CDKL4: variants seen among roughly 807,000 people sequenced by gnomAD.
CDKL4 encodes the protein cyclin-dependent kinase-like 4.
Under a neutral mutation model 42.0 loss-of-function variants are expected in CDKL4, and 44 were observed. The ratio of observed to expected loss-of-function variants is 1.05; its 90% CI spans 0.82 to 1.35. CDKL4 has a LOEUF of 1.35. Among genes scored for constraint, CDKL4 ranks in the 40% most tolerant of loss-of-function variants. The pLI, the probability that CDKL4 is intolerant of heterozygous loss-of-function variation, is 0.00. For synonymous variants in CDKL4, 120 were observed against 121.6 expected (o/e 0.99, Z 0.09); for missense variants, 393 against 369.9 (o/e 1.06, Z -0.51).
chr2:39,168,126 A>T, the CDKL4 span, among the ~76,000 whole-genome samples: 1 of 152,254 alleles, frequency 6.6e-6, no homozygotes, highest in East Asian at 1.9e-4. Context: ...ATGTATATTT[A>T]ACATAATAAA....
At chr2:39,184,771 A>G (rs1675626650) in intron 7 of CDKL4, 124 bp from the exon 8 acceptor site, 1 of 637,618 alleles carries the variant, frequency 1.6e-6, no homozygotes. Context: ...GTCTCCCTCT[A>G]TCTCCCAGGC....
chr2:39,187,196 C>A (rs1260903025), intron 7 of CDKL4, among the ~76,000 whole-genome samples: 1 of 152,120 alleles, frequency 6.6e-6, no homozygotes, highest in Non-Finnish European at 1.5e-5. Context: ...GAAGAAGGTG[C>A]CTGCTTCCCC....
intron 5 of CDKL4, among the ~76,000 whole-genome samples, chr2:39,192,615 A>G (rs1377140620): frequency 6.6e-6 from 1 of 151,238 alleles, no homozygotes; most frequent in East Asian, 1.9e-4. Flanking sequence ...CATACTACAT[A>G]CACAATTCTG....
At chr2:39,176,286 C>T (rs1675163257) in intron 9 of CDKL4, among the ~76,000 whole-genome samples, 190 bp from the exon 10 acceptor site, 1 of 152,132 alleles carries the variant, frequency 6.6e-6, no homozygotes. Context: ...TTAGGTTCTA[C>T]TACTTATTCT....
intron 3 of CDKL4, among the ~76,000 whole-genome samples, chr2:39,214,444 A>G (rs977424633): frequency 3.9e-5 from 6 of 152,206 alleles, no homozygotes; most frequent in Non-Finnish European, 7.3e-5. Flanking sequence ...CATTATATGG[A>G]TATATCATAA....
intron 5 of CDKL4, among the ~76,000 whole-genome samples, chr2:39,193,849 C>T (rs186879393): frequency 5.4e-4 from 82 of 152,278 alleles, no homozygotes; most frequent in Non-Finnish European, 9.6e-4. Flanking sequence ...TTTCACTTAG[C>T]CCCATGTTGT....
chr2:39,246,981 G>A (rs1679939644), upstream of CDKL4, among the ~76,000 whole-genome samples: 1 of 152,182 alleles, frequency 6.6e-6, no homozygotes, highest in South Asian at 2.1e-4. Context: ...CTAGGCTCAA[G>A]TGATTCTCCC....
rs886451142 is a variant in CDKL4, at chr2:39,235,888, G to GA, written c.-56-6301dup. Reference sequence around the variant, plus strand: ...GGAGGAAGTAGGAAAGAAGAAGAAAGAAAAAAAAATATGAGACATGCTAAA... The same window carrying GA: ...GGAGGAAGTAGGAAAGAAGAAGAAAGAAAAAAAAAATATGAGACATGCTAAA... On this transcript the variant is annotated intron_variant, in intron 1 of 9. Coordinates refer to ENST00000451199, the Ensembl canonical transcript of CDKL4. Among the ~76,000 whole-genome samples, 635 of 143,834 alleles carry GA rather than the reference G, an allele frequency of 4.4e-3. 5 individuals are homozygous for GA. Among genetic ancestry groups the GA allele is most frequent in the African/African-American group, 0.015 (584 of 39,136 alleles). The allele number at this position is 143,834 out of a possible 152,430, so 94.4% of individuals were successfully genotyped here.
intron 8 of CDKL4, among the ~76,000 whole-genome samples, chr2:39,180,105 C>A (rs1675351775): frequency 6.6e-6 from 1 of 152,152 alleles, no homozygotes; most frequent in Non-Finnish European, 1.5e-5. Context: ...GATTATGATC[C>A]ATAAAGAGCA....
chr2:39,197,520 C>T (rs556211713), intron 5 of CDKL4, among the ~76,000 whole-genome samples: 6 of 152,240 alleles, frequency 3.9e-5, no homozygotes, highest in South Asian at 2.1e-4. Flanking sequence ...AAAAGATCAT[C>T]GCCTAGGCAC....
chr2:39,195,913 C>T (rs1025831361), intron 5 of CDKL4, among the ~76,000 whole-genome samples: 6 of 152,192 alleles, frequency 3.9e-5, no homozygotes, highest in African/African-American at 9.7e-5. Context: ...GACAGAGCAG[C>T]GTGTGGAGAC....
intron 3 of CDKL4, among the ~76,000 whole-genome samples, chr2:39,220,913 T>C (rs1678278845): frequency 7.2e-6 from 1 of 139,426 alleles, no homozygotes; most frequent in African/African-American, 2.6e-5. Context: ...TGTAATTTAG[T>C]CGTTGGGTCC....
the CDKL4 span, among the ~76,000 whole-genome samples, chr2:39,169,086 C>T: frequency 2.0e-5 from 3 of 152,222 alleles, no homozygotes; most frequent in East Asian, 5.8e-4. Context: ...AAAATGTACA[C>T]AATTCAGATA....
chr2:39,178,581 T>A (rs1252453389), intron 9 of CDKL4: 1 of 1,552,454 alleles, frequency 6.4e-7, no homozygotes, highest in East Asian at 2.4e-5. Context: ...TGAAAGCAAG[T>A]GAAGGACAGT....
intron 1 of CDKL4, among the ~76,000 whole-genome samples, chr2:39,233,600 T>C (rs1054680366): frequency 3.3e-5 from 5 of 152,104 alleles, no homozygotes; most frequent in African/African-American, 1.2e-4. Flanking sequence ...CCTAGGATGA[T>C]AGTCAGTTAC....
intron 4 of CDKL4, among the ~76,000 whole-genome samples, chr2:39,205,777 A>AAAG (rs1677137328): frequency 6.7e-6 from 1 of 149,566 alleles, no homozygotes; most frequent in Admixed American, 6.7e-5. Flanking sequence ...AAAAAAAAAA[A>AAAG]AAAGAAAGAA....
chr2:39,219,865 T>C (rs1299072025), intron 3 of CDKL4, among the ~76,000 whole-genome samples: 1 of 152,192 alleles, frequency 6.6e-6, no homozygotes, highest in East Asian at 1.9e-4. Flanking sequence ...TGCTTCTAAC[T>C]TCACTGGAGA....
At chr2:39,215,849 TCTC>T (rs1264204411) in intron 3 of CDKL4, among the ~76,000 whole-genome samples, 8 of 152,206 alleles carry the variant, frequency 5.3e-5, no homozygotes, top group Non-Finnish European at 1.0e-4. Flanking sequence ...TGACCCCAGT[TCTC>T]CTAATTATTA....
At chr2:39,236,457 T>C (rs1464921281) in intron 1 of CDKL4, among the ~76,000 whole-genome samples, 1 of 152,138 alleles carries the variant, frequency 6.6e-6, no homozygotes, top group African/African-American at 2.4e-5. Context: ...GTCTTAAAAG[T>C]TCAATGAATT....
Sources: gnomAD v4.1 joint callset for allele counts (sites outside exome capture counted in the v4.1 genomes callset) on GRCh38, gnomAD v4.1.1 for gene constraint, MANE v1.5 for transcripts, NCBI Gene and HGNC (gene_info 2026-07-23, HGNC 2026-07-21) for gene names.